The following ALG11 variants were observed in gnomAD, a reference collection of about 807,000 sequenced individuals.
ALG11 encodes the protein GDP-Man:Man(3)GlcNAc(2)-PP-Dol alpha-1,2-mannosyltransferase.
ALG11 carries 26 observed loss-of-function variants against 38.8 expected under a neutral mutation model. The ratio of observed to expected loss-of-function variants is 0.67; its 90% CI spans 0.49 to 0.93. The LOEUF (loss-of-function observed/expected upper bound fraction) is 0.93, where lower values mean the gene tolerates loss of function less well. Among genes scored for constraint, ALG11 ranks in the 40% least tolerant of loss-of-function variants. The pLI, the probability that ALG11 is intolerant of heterozygous loss-of-function variation, is 0.00. For missense variants in ALG11, 535 were observed against 578.8 expected (o/e 0.92, Z 0.78); for synonymous variants, 199 against 211.6 (o/e 0.94, Z 0.52).
Position 52,030,985 on chromosome 13 carries a change from C to A in ALG11, c.*2395C>A, listed in dbSNP as rs768422082. The A allele has an allele frequency of 6.8e-6, 11 of 1,614,056 alleles. No homozygotes were observed. The Admixed American group carries it at 1.0e-4, about 15-fold the overall frequency. ...AGGTCGTCACCAAGCCAGGCCATAT[C>A]ATTAAGCCCATAAAAGCAGAGGATG... On this transcript the variant is annotated 3_prime_UTR_variant, in exon 4 of 4. Coordinates refer to ENST00000521508, the MANE Select transcript of ALG11 (RefSeq NM_001004127.3).
Position 52,012,445 on chromosome 13 carries a change from C to G in ALG11, c.27C>G (p.Cys9Trp), listed in dbSNP as rs748982784. The G allele has an allele frequency of 5.6e-6, 9 of 1,613,968 alleles. No individual in the cohort carries two copies. The East Asian group carries it at 2.0e-4, about 36-fold the overall frequency. Residue 9 changes from cysteine (C) to tryptophan (W), a missense_variant, in exon 1 of 4, where the codon TGC (cysteine) becomes TGG (tryptophan). Physicochemically the swap from Cys to Trp is radical, Grantham distance 215 (BLOSUM62 -2). Coordinates refer to ENST00000521508, the MANE Select transcript of ALG11 (RefSeq NM_001004127.3). MAAGERSW[C>W]LCKLLRFFYS... ...TGGCGGCCGGCGAAAGGAGCTGGTG[C>G]CTGTGCAAGTTGTTGAGGTGAGCAG...
chr13:52,012,731 TC>T (rs1555305109), intron 1 of ALG11, among the ~76,000 whole-genome samples: 2 of 152,170 alleles, frequency 1.3e-5, no homozygotes, highest in Admixed American at 6.5e-5. Context: ...GCTTTTTTTT[TC>T]CCTTTCACAC....
chr13:52,012,593 G>A (rs541764199), intron 1 of ALG11, 131 bp downstream of exon 1: 4 of 1,264,876 alleles, frequency 3.2e-6, no homozygotes, highest in East Asian at 2.5e-5. Context: ...TCAGGCCAAT[G>A]AGCAGTCTTT....
chr13:52,016,140 G>A (rs1373895932), intron 1 of ALG11: 3 of 152,324 alleles, frequency 2.0e-5, no homozygotes, highest in Non-Finnish European at 1.5e-5. Context: ...CCCTGCCCTA[G>A]AGATTTGTGG....
intron 3 of ALG11, among the ~76,000 whole-genome samples, chr13:52,027,129 T>A (rs1344614255): frequency 1.3e-5 from 2 of 152,030 alleles, no homozygotes; most frequent in Non-Finnish European, 2.9e-5. Context: ...AGAGCAGTCT[T>A]GAGGGAGAAG....
Position 52,031,361 on chromosome 13 carries a change from G to C in ALG11, c.*2771G>C. The stretch of plus-strand genomic sequence containing the variant: ...GATGACCCTTTTGAATATACCTAAT[G>C]ATTTCCTTAAAAAAGAAATTTTAAA... On this transcript the variant is annotated 3_prime_UTR_variant, in exon 4 of 4. Transcript: ENST00000521508. 1 of 497,622 alleles carries C rather than the reference G, an allele frequency of 2.0e-6. No individual in the cohort carries two copies. The allele number at this position is 497,622 out of a possible 1,614,324, so 30.8% of individuals were successfully genotyped here. A position where few individuals can be genotyped will look rare whatever the true frequency, so the allele number is the denominator to read the frequency against.
chr13:52,027,514 A>G (rs1412371958), intron 3 of ALG11, among the ~76,000 whole-genome samples: 2 of 152,230 alleles, frequency 1.3e-5, no homozygotes, highest in Non-Finnish European at 2.9e-5. Flanking sequence ...CCAGGATGAT[A>G]TCAGCTCTGT....
In ALG11 at chr13:52,030,819, G is replaced by A. The variant is rs550720657; in HGVS notation, c.*2229G>A. On this transcript the variant is annotated 3_prime_UTR_variant, in exon 4 of 4. Coordinates refer to ENST00000521508, the MANE Select transcript of ALG11 (RefSeq NM_001004127.3). ...CCAAATGTGATTATCAGTGAGAAGC[G>A]CAACATCCACGCAGCAGCTCATCAG... 4.3e-4 allele frequency: 690 copies of A among 1,614,104 alleles called. 10 individuals carry two copies. The South Asian group carries it at 7.2e-3, about 17-fold the overall frequency.
rs774955773 is a variant in ALG11 at position 52,024,323 on chromosome 13, A to G, written c.593A>G (p.His198Arg). The G allele has an allele frequency of 6.2e-7, 1 of 1,614,174 alleles. No individual in the cohort carries two copies. The highest frequency in any genetic ancestry group is 8.5e-7 in the Non-Finnish European group (1 of 1,180,016). Reference sequence around the variant, plus strand: ...GGTTGCCAAGTTGGAAGCTATGTTCATTATCCTACTATCAGCACCGACATG... The same window carrying G: ...GGTTGCCAAGTTGGAAGCTATGTTCGTTATCCTACTATCAGCACCGACATG... ...IGGCQVGSYVHYPTISTDMLS... is the reference protein window; with the variant it reads ...IGGCQVGSYVRYPTISTDMLS... The change falls in exon 3 of 4, where the codon CAT becomes CGT. Residue 198 changes from histidine (H) to arginine (R), a missense_variant. Transcript: ENST00000521508.
Position 52,024,757 on chromosome 13 carries a change from G to A in ALG11, c.1027G>A (p.Gly343Arg). 6.2e-7 allele frequency: 1 copy of A among 1,614,224 alleles called. No homozygotes were observed. The highest frequency in any genetic ancestry group is 8.5e-7 in the Non-Finnish European group (1 of 1,180,038). The change falls in exon 3 of 4, where the codon GGA (glycine) becomes AGA (arginine). Residue 343 changes from glycine (G) to arginine (R), a missense_variant. Physicochemically the swap from Gly to Arg is moderately radical, Grantham distance 125. Coordinates refer to ENST00000521508, the MANE Select transcript of ALG11 (RefSeq NM_001004127.3). Reference protein sequence around the residue: ...SPPSLKLVLIGGCRNKDDELR... With the variant: ...SPPSLKLVLIRGCRNKDDELR... Reference sequence around the variant, plus strand: ...TCCTTCGCTTAAACTTGTCCTCATTGGAGGTTGTCGTAACAAAGATGATGA... The same window carrying A: ...TCCTTCGCTTAAACTTGTCCTCATTAGAGGTTGTCGTAACAAAGATGATGA...
In ALG11 at chr13:52,032,444, C is replaced by G. The variant is rs368815641; in HGVS notation, c.*3854C>G. 2 of 167,154 alleles carry G rather than the reference C, an allele frequency of 1.2e-5. No homozygotes were observed. The highest frequency in any genetic ancestry group is 2.1e-4 in the South Asian group (1 of 4,824). 10.4% of individuals were successfully genotyped at this position (167,154 alleles called of 1,614,324 possible). ...TGTGAGCAGATATGGCTATAAAGAC[C>G]TATAGCTTTTGCACTTTATGCATAT... is the stretch of plus-strand genomic sequence containing the variant. On this transcript the variant is annotated 3_prime_UTR_variant, in exon 4 of 4. Coordinates refer to ENST00000521508, the MANE Select transcript of ALG11 (RefSeq NM_001004127.3).
chr13:52,012,531 G>A (rs1772697847), intron 1 of ALG11, 69 bp downstream of exon 1: 2 of 1,609,176 alleles, frequency 1.2e-6, no homozygotes, highest in African/African-American at 2.7e-5. Context: ...GTCCAGTGTA[G>A]CTAAATTTTG....
intron 2 of ALG11, 110 bp from the exon 3 acceptor site, chr13:52,023,896 G>C: frequency 1.1e-6 from 1 of 916,380 alleles, no homozygotes; most frequent in Non-Finnish European, 1.7e-6. Flanking sequence ...CTGGGTTCAA[G>C]CGATTCTCCT....
chr13:52,015,828 A>G (rs148581650), intron 1 of ALG11: 131 of 152,482 alleles, frequency 8.6e-4, no homozygotes, highest in Middle Eastern at 3.4e-3. Flanking sequence ...ACTTGGTACC[A>G]TAAATTAGTA....
Position 52,031,147 on chromosome 13 carries a change from ACTTC to A in ALG11, c.*2561_*2564del. 6.4e-7 allele frequency: 1 copy of A among 1,566,118 alleles called. No individual in the cohort carries two copies. The highest frequency in any genetic ancestry group is 1.7e-4 in the Middle Eastern group (1 of 5,786). On this transcript the variant is annotated 3_prime_UTR_variant, in exon 4 of 4. Coordinates refer to ENST00000521508, the MANE Select transcript of ALG11 (RefSeq NM_001004127.3). ...AGTGACAGTCAGGGGCCCTGATTCC[ACTTC>A]CTTTGGTCCAGTTTTACTCTGCTAC...
chr13:52,029,035 T>G lies in ALG11; in HGVS notation c.*445T>G. The stretch of plus-strand genomic sequence containing the variant: ...AAGTGTCAGAGTTCAGTGTCAGTTC[T>G]GAAGGATCAGGAGAAAAGCTGGGCC... On this transcript the variant is annotated 3_prime_UTR_variant, in exon 4 of 4. Transcript: ENST00000521508. The G allele has an allele frequency of 6.2e-7, 1 of 1,614,252 alleles. No individual in the cohort carries two copies. The highest frequency in any genetic ancestry group is 1.3e-5 in the African/African-American group (1 of 75,068).
chr13:52,015,530 T>A (rs1392351248), intron 1 of ALG11, among the ~76,000 whole-genome samples: 2 of 152,232 alleles, frequency 1.3e-5, no homozygotes, highest in Admixed American at 1.3e-4. Context: ...TCTCCCAGAA[T>A]GCCCACATGT....
chr13:52,017,027 A>G (rs906862255), intron 1 of ALG11: 24 of 152,206 alleles, frequency 1.6e-4, no homozygotes, highest in African/African-American at 5.8e-4. Context: ...GACCATGGGA[A>G]CCCACCTCTT....
chr13:52,019,761 C>T (rs778323839), intron 2 of ALG11, among the ~76,000 whole-genome samples: 18 of 151,998 alleles, frequency 1.2e-4, no homozygotes, highest in Non-Finnish European at 2.4e-4. Flanking sequence ...GGCACCATGG[C>T]GAAACCCTGT....
Sources: allele counts gnomAD v4.1 joint callset (sites outside exome capture counted in the v4.1 genomes callset), GRCh38; gene constraint gnomAD v4.1.1; transcripts MANE v1.5; gene names NCBI Gene and HGNC (gene_info 2026-07-23, HGNC 2026-07-21).